Variants in SNCAIP observed in about 807,000 individuals in gnomAD.
SNCAIP encodes the protein synuclein alpha interacting protein, also known as synphilin-1.
In SNCAIP, 43 loss-of-function variants were observed where a neutral mutation model predicts 86.7. That is an observed-to-expected ratio of 0.50 (90% CI 0.39 to 0.64). The LOEUF is 0.64. Ranked by LOEUF, SNCAIP falls within the 30% of genes least tolerant of loss-of-function variation. The pLI is 0.00. For missense variants in SNCAIP, 981 were observed against 1,103.1 expected, an observed-to-expected ratio of 0.89 and a Z score of 1.57; for synonymous variants, 417 against 427.2, an observed-to-expected ratio of 0.98 and a Z score of 0.29.
intron 1 of SNCAIP, among the ~76,000 whole-genome samples, chr5:122,367,862 C>G (rs1763489036): frequency 6.6e-6 from 1 of 151,922 alleles, no homozygotes; most frequent in African/African-American, 2.4e-5. Context: ...CCTGTGTGTG[C>G]ATAAATTATA....
intron 1 of SNCAIP, among the ~76,000 whole-genome samples, chr5:122,343,451 G>C (rs1446547473): frequency 6.6e-6 from 1 of 152,124 alleles, no homozygotes; most frequent in Admixed American, 6.5e-5. Flanking sequence ...AACAACATCA[G>C]TATGCCTTTT....
chr5:122,396,586 G>A (rs1770669218), intron 2 of SNCAIP, among the ~76,000 whole-genome samples: 2 of 152,174 alleles, frequency 1.3e-5, no homozygotes, highest in Admixed American at 1.3e-4. Flanking sequence ...TAGTCAACAA[G>A]CATTTACTAA....
chr5:122,428,284 A>G (rs1777739022), intron 5 of SNCAIP, among the ~76,000 whole-genome samples: 1 of 152,086 alleles, frequency 6.6e-6, no homozygotes, highest in South Asian at 2.1e-4. Flanking sequence ...AGGCCCATAG[A>G]CTTTGGCAGG....
chr5:122,373,977 A>G (rs1464650952), intron 1 of SNCAIP, among the ~76,000 whole-genome samples: 1 of 152,228 alleles, frequency 6.6e-6, no homozygotes, highest in East Asian at 1.9e-4. Flanking sequence ...TCTCGAATGC[A>G]GGAAATGATA....
chr5:122,461,669 G>GTTT lies in SNCAIP; in HGVS notation c.2755-1809_2755-1807dup, dbSNP rs55705552. ...TTCTCTTTGTTCCTTTTTTATAGCT[G>GTTT]TTTTTTTTTTTTTTTCTTTTTCTTT... On this transcript the variant is annotated intron_variant, in intron 10 of 10. Coordinates refer to ENST00000261368, the MANE Select transcript of SNCAIP (RefSeq NM_005460.4). Among the ~76,000 whole-genome samples, 828 of 133,254 alleles carry GTTT rather than the reference G, an allele frequency of 6.2e-3. 12 individuals are homozygous for GTTT. The highest frequency in any genetic ancestry group is 0.016 in the African/African-American group (562 of 35,828). 87.4% of individuals were successfully genotyped at this position (133,254 alleles called of 152,430 possible).
chr5:122,433,476 G>C (rs1179326598), intron 6 of SNCAIP, among the ~76,000 whole-genome samples: 1 of 152,116 alleles, frequency 6.6e-6, no homozygotes, highest in Non-Finnish European at 1.5e-5. Flanking sequence ...TAGAGGCACT[G>C]ATATAGCTGA....
At chr5:122,376,135 C>A (rs546784594) in intron 1 of SNCAIP, among the ~76,000 whole-genome samples, 1 of 152,204 alleles carries the variant, frequency 6.6e-6, no homozygotes, top group African/African-American at 2.4e-5. Context: ...GACTCTCGTG[C>A]ACTCTAAAGT....
chr5:122,411,996 T>C (rs1212313468), intron 3 of SNCAIP, among the ~76,000 whole-genome samples: 1 of 152,202 alleles, frequency 6.6e-6, no homozygotes, highest in Non-Finnish European at 1.5e-5. Flanking sequence ...AACTCTCTCA[T>C]GTGGCCTTCA....
chr5:122,331,878 T>C lies in SNCAIP; in HGVS notation c.-47+19594T>C, dbSNP rs183649134. 1.6e-3 allele frequency among the ~76,000 whole-genome samples: 238 copies of C among 152,372 alleles called. 1 individual carries two copies. Among genetic ancestry groups the C allele is most frequent in the Non-Finnish European group, 5.0e-4 (34 of 68,038 alleles). ...ATATTAGACGATACATGAAAGACTT[T>C]CTTTTTGCTTACTGATATATTCATC... On this transcript the variant is annotated intron_variant, in intron 1 of 10. Coordinates refer to ENST00000261368, the MANE Select transcript of SNCAIP (RefSeq NM_005460.4).
In SNCAIP at chr5:122,451,110, A is replaced by C. The variant is rs1393127270; in HGVS notation, c.2263A>C (p.Ser755Arg). Residue 755 changes from serine to arginine, a missense_variant, in exon 10 of 11, where the codon AGC (serine) becomes CGC (arginine). Coordinates refer to ENST00000261368, the MANE Select transcript of SNCAIP (RefSeq NM_005460.4). ...GHSPSPTSES[S>R]EPDLESQYPG... is the part of the protein sequence containing the mutation. ...CAGCCCATCTCCCACCTCAGAGAGCAGCGAACCAGACTTAGAATCCCAGTA... is the reference window on the plus strand; with the variant it reads ...CAGCCCATCTCCCACCTCAGAGAGCCGCGAACCAGACTTAGAATCCCAGTA... The C allele has an allele frequency of 6.2e-7, 1 of 1,614,152 alleles. No homozygotes were observed. Among genetic ancestry groups the C allele is most frequent in the East Asian group, 2.2e-5 (1 of 44,882 alleles).
intron 1 of SNCAIP, among the ~76,000 whole-genome samples, chr5:122,348,038 T>C (rs1413469370): frequency 6.6e-6 from 1 of 152,138 alleles, no homozygotes; most frequent in African/African-American, 2.4e-5. Flanking sequence ...TGGTTTTTCT[T>C]AAAAATGATA....
At chr5:122,312,340 G>T (rs1345904223) in intron 1 of SNCAIP, 56 bp downstream of exon 1, 1 of 152,710 alleles carries the variant, frequency 6.5e-6, no homozygotes, top group African/African-American at 2.4e-5. Flanking sequence ...GCAGCCAGCG[G>T]CTCAGCCTTT....
chr5:122,414,755 C>G (rs1319169129), intron 3 of SNCAIP, among the ~76,000 whole-genome samples: 1 of 152,116 alleles, frequency 6.6e-6, no homozygotes, highest in Non-Finnish European at 1.5e-5. Context: ...TCCAGTGTTA[C>G]GGGAAGAAAG....
At chr5:122,432,348 T>G (rs542021634) in intron 6 of SNCAIP, among the ~76,000 whole-genome samples, 22 of 152,250 alleles carry the variant, frequency 1.4e-4, no homozygotes, top group African/African-American at 4.1e-4. Flanking sequence ...TATATAGTAC[T>G]AAACAAATAT....
At chr5:122,312,230 G>A (rs1484909008), upstream of SNCAIP, 1 of 151,334 alleles carries the variant, frequency 6.6e-6, no homozygotes, top group African/African-American at 2.4e-5. Context: ...CGGTCCGTCG[G>A]TCGGTCAGTC....
At position 122,450,844 on chromosome 5, in the gene SNCAIP, G is replaced by C. The variant is rs1343608812; in HGVS notation, c.1997G>C (p.Arg666Thr). Residue 666 changes from arginine to threonine, a missense_variant, in exon 10 of 11, where the codon AGG (arginine) becomes ACG (threonine). By Grantham distance (71) the Arg-to-Thr change is moderately conservative. Coordinates refer to ENST00000261368, the MANE Select transcript of SNCAIP (RefSeq NM_005460.4). Reference protein sequence around the residue: ...PLEKRELKLARLRQLMQRSLS... With the variant: ...PLEKRELKLATLRQLMQRSLS... ...GAGAAGAGGGAACTGAAGTTAGCCA[G>C]GCTGAGACAGCTGATGCAGAGGTCA... 1 of 1,614,136 alleles carries C rather than the reference G, an allele frequency of 6.2e-7. No individual in the cohort carries two copies. Among genetic ancestry groups the C allele is most frequent in the South Asian group, 1.1e-5 (1 of 91,082 alleles).
At chr5:122,443,064 T>C (rs193193627) in intron 7 of SNCAIP, among the ~76,000 whole-genome samples, 3,576 of 152,266 alleles carry the variant, frequency 0.023, 119 homozygotes, top group African/African-American at 0.081. Flanking sequence ...TCAAGAGCCC[T>C]GAGAGCTCAA....
At chr5:122,427,194 CTTG>C (rs1777539363) in intron 5 of SNCAIP, among the ~76,000 whole-genome samples, 1 of 152,066 alleles carries the variant, frequency 6.6e-6, no homozygotes, top group African/African-American at 2.4e-5. Context: ...TGCCCTAGGG[CTTG>C]TTTTGATAGA....
chr5:122,320,577 A>G (rs1473184640), intron 1 of SNCAIP, among the ~76,000 whole-genome samples: 1 of 152,228 alleles, frequency 6.6e-6, no homozygotes, highest in African/African-American at 2.4e-5. Context: ...TTCAGCTTAA[A>G]AACTCTGATC....
Sources: gnomAD v4.1 joint callset for allele counts (sites outside exome capture counted in the v4.1 genomes callset) on GRCh38, gnomAD v4.1.1 for gene constraint, MANE v1.5 for transcripts, NCBI Gene and HGNC (gene_info 2026-07-23, HGNC 2026-07-21) for gene names.